HIBCH: variants seen among roughly 807,000 people sequenced by gnomAD.
HIBCH encodes 3-hydroxyisobutyryl-CoA hydrolase.
A neutral mutation model predicts 58.2 loss-of-function variants in HIBCH; 50 were observed. That is an observed-to-expected ratio of 0.86 (90% CI 0.68 to 1.09). The LOEUF is 1.09. Ranked by LOEUF, HIBCH falls within the 50% of genes least tolerant of loss-of-function variation. The probability of loss-of-function intolerance (pLI) is 0.00; values close to 1 mark genes in which losing one functional copy is unlikely to be tolerated. For missense variants in HIBCH, 450 were observed against 449.7 expected (o/e 1.00, Z -0.01); for synonymous variants, 151 against 146.9 (o/e 1.03, Z -0.20).
downstream of HIBCH, chr2:190,202,661 T>A (rs1331494206): frequency 6.0e-6 from 1 of 166,906 alleles, no homozygotes; most frequent in South Asian, 2.1e-4. Flanking sequence ...GCAGGAGACA[T>A]ATAAAACAGA....
chr2:190,252,367 C>T, intron 7 of HIBCH, 60 bp from the exon 8 acceptor site: 2 of 1,427,834 alleles, frequency 1.4e-6, no homozygotes, highest in Admixed American at 1.7e-5. Flanking sequence ...ATAAATATAA[C>T]CTTTTTGCCG....
At chr2:190,286,909 A>G (rs1222411403) in intron 6 of HIBCH, among the ~76,000 whole-genome samples, 1 of 152,120 alleles carries the variant, frequency 6.6e-6, no homozygotes, top group Non-Finnish European at 1.5e-5. Context: ...GAAGTTTCTG[A>G]AAAGAATCAG....
rs1049796593 is a variant in HIBCH, at chr2:190,212,975, C to T, written c.992G>A (p.Arg331Gln). ...TCTTACCATACAAGCTTGACTTAGC[C>T]GATACTCCATAGTTAGTACTTCTTG... The part of the protein sequence containing the change: ...TLQEVLTMEY[R>Q]LSQACMRGHD... Residue 331 changes from arginine to glutamine, a missense_variant, in exon 12 of 14, where the codon CGG becomes CAG. Arg to Gln is a conservative substitution (Grantham distance 43, BLOSUM62 1). Coordinates refer to ENST00000359678, the MANE Select transcript of HIBCH (RefSeq NM_014362.4). 11 of 1,611,490 alleles carry T rather than the reference C, an allele frequency of 6.8e-6. No homozygotes were observed. The highest frequency in any genetic ancestry group is 6.7e-5 in the African/African-American group (5 of 74,808).
At chr2:190,267,559 A>C (rs1687276705) in intron 6 of HIBCH, among the ~76,000 whole-genome samples, 1 of 152,052 alleles carries the variant, frequency 6.6e-6, no homozygotes, top group Non-Finnish European at 1.5e-5. Flanking sequence ...AGATAGGCAA[A>C]GGTTTGTTCC....
chr2:190,243,710 G>A lies in HIBCH; in HGVS notation c.891+1177C>T, dbSNP rs2099129. 0.31 allele frequency among the ~76,000 whole-genome samples: 47,583 copies of A among 152,016 alleles called. 8,583 individuals are homozygous for A. The highest frequency in any genetic ancestry group is 0.48 in the African/African-American group (19,755 of 41,446). On this transcript the variant is annotated intron_variant, in intron 11 of 13. Transcript: ENST00000359678. This position sits in a 1 kb window ranked among gnomAD's most constrained non-coding sequence, Gnocchi z 4.1. ...AGGCCGGGTGTGGTGGCTCACACCT[G>A]TAATCCCAGCACTTTGGGAAGCTGA...
intron 1 of HIBCH, 97 bp downstream of exon 1, chr2:190,319,619 G>C: frequency 9.1e-7 from 1 of 1,097,520 alleles, no homozygotes; most frequent in Non-Finnish European, 1.4e-6. Flanking sequence ...AGCGCGACTC[G>C]AAACTTCGAG....
At chr2:190,277,272 T>C (rs967027798) in intron 6 of HIBCH, among the ~76,000 whole-genome samples, 3 of 152,200 alleles carry the variant, frequency 2.0e-5, no homozygotes, top group Non-Finnish European at 4.4e-5. Flanking sequence ...GAGTAAATGT[T>C]TGAATTTCTA....
chr2:190,287,667 TAC>T (rs757692657), intron 5 of HIBCH, 29 bp from the exon 6 acceptor site: 112 of 1,544,788 alleles, frequency 7.3e-5, no homozygotes, highest in Non-Finnish European at 9.3e-5. Context: ...TAATTTTAGT[TAC>T]AGTGTTTAAA....
Position 190,302,527 on chromosome 2 carries a change from C to A in HIBCH, c.79-5574G>T, listed in dbSNP as rs912172421. ...TCTTTTATTAGGAAGGAATGCTGGTCAGTTGCTGTGTCAAAACTGCAAAAA... is the reference window on the plus strand; with the variant it reads ...TCTTTTATTAGGAAGGAATGCTGGTAAGTTGCTGTGTCAAAACTGCAAAAA... On this transcript the variant is annotated intron_variant, in intron 2 of 13. Coordinates refer to ENST00000359678, the MANE Select transcript of HIBCH (RefSeq NM_014362.4). 2.0e-5 allele frequency among the ~76,000 whole-genome samples: 3 copies of A among 152,124 alleles called. No homozygotes were observed. The South Asian group carries it at 6.2e-4, about 32-fold the overall frequency.
chr2:190,199,871 T>A (rs1457197042), downstream of HIBCH: 6 of 1,613,500 alleles, frequency 3.7e-6, no homozygotes, highest in Non-Finnish European at 5.1e-6. Flanking sequence ...ATGGGCTGCA[T>A]GAAATCAAAG....
Position 190,212,951 on chromosome 2 carries a change from C to G in HIBCH, c.1011+5G>C. On this transcript the variant is annotated splice_donor_5th_base_variant and intron_variant, in intron 12 of 13. Transcript: ENST00000359678. ...AAAAATGACATTTTTTTTTTAAATT[C>G]TTACCATACAAGCTTGACTTAGCCG... The G allele has an allele frequency of 6.2e-7, 1 of 1,604,778 alleles. No individual in the cohort carries two copies. Among genetic ancestry groups the G allele is most frequent in the Non-Finnish European group, 8.5e-7 (1 of 1,175,674 alleles).
intron 11 of HIBCH, among the ~76,000 whole-genome samples, chr2:190,224,157 C>A (rs1031701236): frequency 6.6e-6 from 1 of 152,232 alleles, no homozygotes; most frequent in Admixed American, 6.5e-5. Flanking sequence ...TCACTCACTG[C>A]TAGCACAGCA....
intron 11 of HIBCH, among the ~76,000 whole-genome samples, chr2:190,222,422 A>G (rs77008080): frequency 1.4e-5 from 2 of 146,360 alleles, no homozygotes; most frequent in Admixed American, 6.8e-5. Flanking sequence ...AAAAAGGAGG[A>G]AAAAAAAAAA....
At chr2:190,245,031 T>C (rs974451994) in intron 10 of HIBCH, 63 bp from the exon 11 acceptor site, 5 of 1,037,542 alleles carry the variant, frequency 4.8e-6, no homozygotes, top group East Asian at 4.7e-5. Context: ...TAACATACGA[T>C]GAATCTGAAC....
Position 190,314,375 on chromosome 2 carries a change from ATATGTG to A in HIBCH, c.36-3585_36-3580del, listed in dbSNP as rs1461850877. ...TATATATACGTATATATATACGTATATATGTGTATATATATGTATATATATACGTAT... is the reference window on the plus strand; with the variant it reads ...TATATATACGTATATATATACGTATATATATATATGTATATATATACGTAT... On this transcript the variant is annotated intron_variant, in intron 1 of 13. Coordinates refer to ENST00000359678, the MANE Select transcript of HIBCH (RefSeq NM_014362.4). Among the ~76,000 whole-genome samples the A allele has an allele frequency of 3.7e-3, 322 of 87,816 alleles. 1 individual carries two copies. Among genetic ancestry groups the A allele is most frequent in the African/African-American group, 0.015 (315 of 21,352 alleles). The allele number at this position is 87,816 out of a possible 152,430, so 57.6% of individuals were successfully genotyped here.
chr2:190,270,280 T>TAAA lies in HIBCH; in HGVS notation c.439-9049_439-9047dup, dbSNP rs1553502973. 1.3e-3 allele frequency among the ~76,000 whole-genome samples: 197 copies of TAAA among 148,350 alleles called. No individual in the cohort carries two copies. The South Asian group carries it at 0.015, about 11-fold the overall frequency. ...TTAGTTATTACACCTTTTTTTTTTT[T>TAAA]AAAAAAAAAGATATTTAAGGTTATT... On this transcript the variant is annotated intron_variant, in intron 6 of 13. Transcript: ENST00000359678.
intron 3 of HIBCH, among the ~76,000 whole-genome samples, chr2:190,295,275 C>G (rs1341130627): frequency 6.6e-6 from 1 of 152,132 alleles, no homozygotes; most frequent in East Asian, 1.9e-4. Flanking sequence ...TATCCCTTAT[C>G]TGAAATGCTT....
intron 9 of HIBCH, 61 bp downstream of exon 9, chr2:190,249,579 T>A: frequency 1.1e-6 from 1 of 948,622 alleles, no homozygotes; most frequent in Non-Finnish European, 1.7e-6. Flanking sequence ...AACTGCCAGT[T>A]TTTTAATCAC....
At position 190,211,533 on chromosome 2, in the gene HIBCH, G is replaced by A. The variant is rs1201728483; in HGVS notation, c.1011+1423C>T. On this transcript the variant is annotated intron_variant, in intron 12 of 13. Transcript: ENST00000359678. This position sits in a 1 kb window ranked among gnomAD's most constrained non-coding sequence, Gnocchi z 5.0. ...GAAATGAAAAATCAAATCACCTCCT[G>A]CTTAAGCCCAAGAGTCTTCTCAACA... Among the ~76,000 whole-genome samples the A allele has an allele frequency of 3.3e-5, 5 of 152,048 alleles. No individual in the cohort carries two copies. The highest frequency in any genetic ancestry group is 4.8e-5 in the African/African-American group (2 of 41,418).
Sources: gnomAD v4.1 joint callset for allele counts (sites outside exome capture counted in the v4.1 genomes callset) on GRCh38, gnomAD v4.1.1 for gene constraint, Gnocchi (gnomAD v3.1) non-coding constraint, MANE v1.5 for transcripts, NCBI Gene and HGNC (gene_info 2026-07-23, HGNC 2026-07-21) for gene names.